Variants in FRMD5 observed in about 807,000 individuals in gnomAD.
The protein encoded by FRMD5 is FERM domain containing 5.
In FRMD5, 20 loss-of-function variants were observed where a neutral mutation model predicts 69.0. The observed-to-expected ratio is 0.29, with a 90% CI of 0.20 to 0.42. The LOEUF (loss-of-function observed/expected upper bound fraction) is 0.42, where lower values mean the gene tolerates loss of function less well. Among genes scored for constraint, FRMD5 ranks in the 10% least tolerant of loss-of-function variants. The pLI, the probability that FRMD5 is intolerant of heterozygous loss-of-function variation, is 1.00. For missense variants in FRMD5, 595 were observed against 708.6 expected (o/e 0.84, Z 1.82); for synonymous variants, 271 against 260.1 (o/e 1.04, Z -0.40).
At chr15:44,140,171 A>C (rs2077248023) in intron 1 of FRMD5, among the ~76,000 whole-genome samples, 1 of 152,168 alleles carries the variant, frequency 6.6e-6, no homozygotes, top group African/African-American at 2.4e-5. Context: ...ATTTATAAAA[A>C]TTTACTATTG....
At chr15:44,036,839 ACT>A (rs1190626867) in intron 1 of FRMD5, among the ~76,000 whole-genome samples, 1 of 151,990 alleles carries the variant, frequency 6.6e-6, no homozygotes, top group African/African-American at 2.4e-5. Context: ...CATATTCCTG[ACT>A]CTGCCACTTC....
At chr15:44,195,749 A>C (rs1383272524), upstream of FRMD5, among the ~76,000 whole-genome samples, 5 of 152,148 alleles carry the variant, frequency 3.3e-5, no homozygotes, top group Non-Finnish European at 7.3e-5. Context: ...CCTGTGCTGT[A>C]CCCTAAGTTG....
At chr15:44,158,759 G>A (rs2077565942) in intron 1 of FRMD5, among the ~76,000 whole-genome samples, 1 of 152,178 alleles carries the variant, frequency 6.6e-6, no homozygotes, top group Non-Finnish European at 1.5e-5. Context: ...GTGATCAAGA[G>A]CTAATTTGCA....
chr15:43,959,891 G>C (rs1028303464), intron 1 of FRMD5, among the ~76,000 whole-genome samples: 1 of 152,008 alleles, frequency 6.6e-6, no homozygotes, highest in South Asian at 2.1e-4. Flanking sequence ...GCATCCACAC[G>C]CTAAATTTTC....
intron 1 of FRMD5, among the ~76,000 whole-genome samples, chr15:43,982,250 T>C (rs1318042982): frequency 6.6e-6 from 1 of 152,246 alleles, no homozygotes; most frequent in East Asian, 1.9e-4. Context: ...GTCTTTGGTG[T>C]TGAACTCATG....
chr15:44,098,879 A>G (rs1005489345), intron 1 of FRMD5, among the ~76,000 whole-genome samples: 3 of 152,262 alleles, frequency 2.0e-5, no homozygotes, highest in Admixed American at 6.5e-5. Flanking sequence ...GAGCTTTTAA[A>G]ATAGACTATT....
At chr15:44,043,054 T>C (rs1892270400) in intron 1 of FRMD5, among the ~76,000 whole-genome samples, 1 of 152,222 alleles carries the variant, frequency 6.6e-6, no homozygotes, top group African/African-American at 2.4e-5. Context: ...AAAATCTCCT[T>C]AAGCTGATAA....
intron 9 of FRMD5, 108 bp from the exon 10 acceptor site, chr15:43,888,374 G>C (rs909916746): frequency 1.1e-5 from 8 of 721,656 alleles, no homozygotes; most frequent in African/African-American, 1.1e-4. Flanking sequence ...CAGCTGGCTA[G>C]TTAGAGGGGA....
intron 4 of FRMD5, among the ~76,000 whole-genome samples, chr15:43,912,902 C>T (rs964558719): frequency 4.0e-5 from 6 of 150,672 alleles, no homozygotes; most frequent in Admixed American, 1.3e-4. Flanking sequence ...ATGGTGGTGT[C>T]GGCGTGTAAT....
intron 1 of FRMD5, among the ~76,000 whole-genome samples, chr15:43,929,895 T>A (rs982619064): frequency 2.6e-5 from 4 of 152,200 alleles, no homozygotes; most frequent in African/African-American, 9.7e-5. Flanking sequence ...GTCTGCCAGG[T>A]TCCAGAGCAG....
In FRMD5 at chr15:43,874,145, C is replaced by G. The variant is rs755953347; in HGVS notation, c.1453G>C (p.Gly485Arg). The G allele has an allele frequency of 3.1e-6, 5 of 1,614,212 alleles. No individual in the cohort carries two copies. The highest frequency in any genetic ancestry group is 4.2e-6 in the Non-Finnish European group (5 of 1,180,050). ...LGGELRALCQ[G>R]HSGPEEEQVN... is the part of the protein sequence containing the mutation. ...TGTTCCTCCTCGGGCCCGCTGTGCC[C>G]CTGACACAGGGCCCTCAGCTCTCCC... The change falls in exon 14 of 14, where the codon GGG becomes CGG. Residue 485 changes from glycine to arginine, a missense_variant. Transcript: ENST00000417257.
At chr15:44,184,766 G>GA (rs1187267489) in intron 1 of FRMD5, among the ~76,000 whole-genome samples, 6 of 151,738 alleles carry the variant, frequency 4.0e-5, no homozygotes, top group East Asian at 1.9e-4. Context: ...TTCAGAAAGT[G>GA]AAAAAAAAGT....
intron 12 of FRMD5, 111 bp from the exon 13 acceptor site, chr15:43,883,920 C>A: frequency 1.3e-6 from 1 of 769,820 alleles, no homozygotes; most frequent in Non-Finnish European, 2.3e-6. Flanking sequence ...AAGTCTTGGT[C>A]TCTCTCTTTT....
chr15:44,154,055 C>T (rs967300199), intron 1 of FRMD5, among the ~76,000 whole-genome samples: 1 of 152,100 alleles, frequency 6.6e-6, no homozygotes, highest in Non-Finnish European at 1.5e-5. Flanking sequence ...GGTGCAATGG[C>T]TCACACCCGT....
chr15:43,932,289 C>G (rs1189390925), intron 1 of FRMD5, among the ~76,000 whole-genome samples: 2 of 152,208 alleles, frequency 1.3e-5, no homozygotes, highest in Non-Finnish European at 2.9e-5. Flanking sequence ...TACATGTCCA[C>G]CTTGTAGTGT....
At chr15:44,111,113 T>C (rs749633615) in intron 1 of FRMD5, among the ~76,000 whole-genome samples, 1 of 152,174 alleles carries the variant, frequency 6.6e-6, no homozygotes. Context: ...ACAAAATCTT[T>C]CCTTTCTTAT....
At chr15:43,971,960 A>AT (rs2090387020) in intron 1 of FRMD5, among the ~76,000 whole-genome samples, 2 of 151,050 alleles carry the variant, frequency 1.3e-5, no homozygotes. Context: ...GCTCATGCCT[A>AT]TAATCCCAGC....
At chr15:43,959,668 T>C (rs932849689) in intron 1 of FRMD5, among the ~76,000 whole-genome samples, 7 of 152,182 alleles carry the variant, frequency 4.6e-5, no homozygotes, top group Non-Finnish European at 7.4e-5. Context: ...TCTGTGAATA[T>C]ATGATTTAGA....
At chr15:43,928,125 T>C (rs1251139599) in intron 1 of FRMD5, among the ~76,000 whole-genome samples, 1 of 152,152 alleles carries the variant, frequency 6.6e-6, no homozygotes, top group African/African-American at 2.4e-5. Flanking sequence ...AAAGACCTTT[T>C]TCTGGTTACT....
Sources: gnomAD v4.1 joint callset for allele counts (sites outside exome capture counted in the v4.1 genomes callset) on GRCh38, gnomAD v4.1.1 for gene constraint, MANE v1.5 for transcripts, NCBI Gene and HGNC (gene_info 2026-07-23, HGNC 2026-07-21) for gene names.